Variants in FGF14 observed in about 807,000 individuals in gnomAD.
The protein encoded by FGF14 is fibroblast growth factor homologous factor 4.
Under a neutral mutation model 25.5 loss-of-function variants are expected in FGF14, and 5 were observed. That is an observed-to-expected ratio of 0.20 (90% CI 0.10 to 0.41). The LOEUF (loss-of-function observed/expected upper bound fraction) is 0.41, where lower values mean the gene tolerates loss of function less well. Among genes scored for constraint, FGF14 ranks in the 10% least tolerant of loss-of-function variants. The pLI, the probability that FGF14 is intolerant of heterozygous loss-of-function variation, is 1.00. For synonymous variants in FGF14, 138 were observed against 118.3 expected (o/e 1.17, Z -1.08); for missense variants, 222 against 320.1 (o/e 0.69, Z 2.34).
At chr13:101,849,994 T>C (rs144994957) in intron 3 of FGF14, among the ~76,000 whole-genome samples, 1 of 152,012 alleles carries the variant, frequency 6.6e-6, no homozygotes, top group East Asian at 1.9e-4. Context: ...ATAAATGTGG[T>C]TCCTTAATAA....
At chr13:101,943,824 A>ATATATATATATATATATATAT (rs553788083) in intron 1 of FGF14, among the ~76,000 whole-genome samples, 1 of 126,942 alleles carries the variant, frequency 7.9e-6, no homozygotes, top group African/African-American at 3.7e-5. Flanking sequence ...AAAAAAAAAA[A>ATATATATATATATATATATAT]AAATATATAT....
intron 1 of FGF14, among the ~76,000 whole-genome samples, chr13:101,913,874 T>C (rs907207104): frequency 2.6e-5 from 4 of 152,202 alleles, no homozygotes; most frequent in African/African-American, 9.6e-5. Context: ...AATTTTATTA[T>C]TTCTTATTAA....
rs576468336 is a variant in FGF14 at position 102,372,216 on chromosome 13, C to A, written c.208+29255G>T. On this transcript the variant is annotated intron_variant, in intron 1 of 4. Transcript: ENST00000376131. ...AGGATAAAACCTGCCCAACATCTAA[C>A]CCCAAAATTCCTACATAGCACGTAG... Among the ~76,000 whole-genome samples, 15 of 152,206 alleles carry A rather than the reference C, an allele frequency of 9.9e-5. No homozygotes were observed. The South Asian group carries it at 3.1e-3, about 32-fold the overall frequency.
At chr13:102,021,414 G>A (rs2040645235) in intron 1 of FGF14, among the ~76,000 whole-genome samples, 1 of 151,788 alleles carries the variant, frequency 6.6e-6, no homozygotes, top group South Asian at 2.1e-4. Context: ...CCTAATCCTG[G>A]GGAAATGTGA....
chr13:102,166,804 G>A (rs1287524234), intron 1 of FGF14, among the ~76,000 whole-genome samples: 1 of 152,102 alleles, frequency 6.6e-6, no homozygotes, highest in East Asian at 1.9e-4. Context: ...CTGTGTTGAG[G>A]GGCTGAGGAA....
chr13:101,741,777 A>G (rs1368845149), intron 3 of FGF14, among the ~76,000 whole-genome samples: 1 of 152,116 alleles, frequency 6.6e-6, no homozygotes, highest in Non-Finnish European at 1.5e-5. Flanking sequence ...TAGTTCTTCT[A>G]TTCACTTGGT....
chr13:102,201,858 A>G (rs993006478), intron 1 of FGF14, among the ~76,000 whole-genome samples: 1 of 151,438 alleles, frequency 6.6e-6, no homozygotes, highest in Non-Finnish European at 1.5e-5. Flanking sequence ...AAGACAATGT[A>G]CCTCCCTGAT....
chr13:102,229,746 G>T (rs554948963), intron 1 of FGF14, among the ~76,000 whole-genome samples: 2 of 152,158 alleles, frequency 1.3e-5, no homozygotes, highest in Non-Finnish European at 2.9e-5. Context: ...AGCTAAGTGT[G>T]TACTTACCAA....
intron 1 of FGF14, among the ~76,000 whole-genome samples, chr13:102,310,696 T>G (rs1463337410): frequency 3.2e-3 from 11 of 3,478 alleles, no homozygotes; most frequent in East Asian, 0.012. Context: ...TGTGTGTGTG[T>G]GGGGGGGGGG....
At chr13:101,746,333 A>G (rs1225392031) in intron 3 of FGF14, among the ~76,000 whole-genome samples, 1 of 152,014 alleles carries the variant, frequency 6.6e-6, no homozygotes, top group Non-Finnish European at 1.5e-5. Context: ...TGTAGAGATG[A>G]AAACCTATGC....
At chr13:102,178,332 A>G (rs1390721208) in intron 1 of FGF14, among the ~76,000 whole-genome samples, 1 of 152,174 alleles carries the variant, frequency 6.6e-6, no homozygotes, top group Non-Finnish European at 1.5e-5. Context: ...GACTTAGGTC[A>G]CCAGTTTCAC....
chr13:102,128,971 T>G (rs955881425), intron 1 of FGF14, among the ~76,000 whole-genome samples: 6 of 152,072 alleles, frequency 3.9e-5, no homozygotes, highest in African/African-American at 9.7e-5. Context: ...TAATCTCAGA[T>G]AGTTGGGAGG....
intron 1 of FGF14, among the ~76,000 whole-genome samples, chr13:102,162,773 T>C (rs2047833576): frequency 6.6e-6 from 1 of 152,140 alleles, no homozygotes. Context: ...TTGAATGCTG[T>C]GGAAAATGTA....
intron 1 of FGF14, among the ~76,000 whole-genome samples, chr13:102,199,081 T>G (rs2049498714): frequency 6.6e-6 from 1 of 152,202 alleles, no homozygotes; most frequent in Non-Finnish European, 1.5e-5. Context: ...TACAAATAGT[T>G]TAAAGTTTGT....
At chr13:101,996,898 T>C (rs2039215337) in intron 1 of FGF14, among the ~76,000 whole-genome samples, 1 of 152,178 alleles carries the variant, frequency 6.6e-6, no homozygotes, top group African/African-American at 2.4e-5. Context: ...GCACCCTAAT[T>C]ATAAAACAAG....
chr13:102,094,935 G>T (rs546625948), intron 1 of FGF14, among the ~76,000 whole-genome samples: 1 of 152,152 alleles, frequency 6.6e-6, no homozygotes, highest in South Asian at 2.1e-4. Flanking sequence ...TTAAGTCAGG[G>T]GGTCCTAAGG....
chr13:101,959,572 C>A (rs2036715431), intron 1 of FGF14, among the ~76,000 whole-genome samples: 1 of 152,172 alleles, frequency 6.6e-6, no homozygotes, highest in Non-Finnish European at 1.5e-5. Context: ...ACGTGCTGAG[C>A]TGTTATTCCA....
chr13:101,958,314 CAGG>C (rs2036632609), intron 1 of FGF14, among the ~76,000 whole-genome samples: 1 of 152,200 alleles, frequency 6.6e-6, no homozygotes, highest in Non-Finnish European at 1.5e-5. Flanking sequence ...CCAGTGTTGG[CAGG>C]GAATCTGAAG....
Position 102,306,388 on chromosome 13 carries a change from TATCATGCTTGAG to T in FGF14, c.208+95071_208+95082del, listed in dbSNP as rs1425524754. On this transcript the variant is annotated intron_variant, in intron 1 of 4. Transcript: ENST00000376131. ...TAGACATTGCAGGGCAGGGAAGACA[TATCATGCTTGAG>T]AGAAGGCAGATGATGGAGGGGAAGA... Among the ~76,000 whole-genome samples, 3 of 150,958 alleles carry T rather than the reference TATCATGCTTGAG, an allele frequency of 2.0e-5. No individual in the cohort carries two copies. The Admixed American group carries it at 2.0e-4, about 10-fold the overall frequency.
Sources: allele counts gnomAD v4.1 joint callset (sites outside exome capture counted in the v4.1 genomes callset), GRCh38; gene constraint gnomAD v4.1.1; transcripts MANE v1.5; gene names NCBI Gene and HGNC (gene_info 2026-07-23, HGNC 2026-07-21).